The following USP44 variants were observed in gnomAD, a reference collection of about 807,000 sequenced individuals.
The protein encoded by USP44 is ubiquitin carboxyl-terminal hydrolase 44.
A neutral mutation model predicts 69.0 loss-of-function variants in USP44; 61 were observed. The ratio of observed to expected loss-of-function variants is 0.88; its 90% CI spans 0.72 to 1.09. The LOEUF is 1.09. USP44 is among the 50% of genes least tolerant of loss of function. The pLI, the probability that USP44 is intolerant of heterozygous loss-of-function variation, is 0.00. For synonymous variants in USP44, 297 were observed against 295.4 expected, an observed-to-expected ratio of 1.01 and a Z score of -0.06; for missense variants, 753 against 849.9, an observed-to-expected ratio of 0.89 and a Z score of 1.42.
At chr12:95,522,575 C>G (rs937422628) in intron 4 of USP44, among the ~76,000 whole-genome samples, 9 of 151,884 alleles carry the variant, frequency 5.9e-5, no homozygotes, top group African/African-American at 9.7e-5. Context: ...GTCAGGAGTT[C>G]AAGACCAGCC....
At chr12:95,550,444 C>T (rs563753278) in intron 1 of USP44, among the ~76,000 whole-genome samples, 27 of 152,274 alleles carry the variant, frequency 1.8e-4, no homozygotes, top group African/African-American at 6.5e-4. Flanking sequence ...CCCCAGTGCA[C>T]TTCTCCCACT....
intron 3 of USP44, among the ~76,000 whole-genome samples, chr12:95,526,465 G>A (rs921007433): frequency 2.0e-5 from 3 of 152,050 alleles, no homozygotes; most frequent in African/African-American, 7.2e-5. Context: ...CCAGCTACTC[G>A]GGAGGCTGAG....
At chr12:95,527,836 CTTT>C (rs760231106) in intron 3 of USP44, among the ~76,000 whole-genome samples, 2 of 54,854 alleles carry the variant, frequency 3.6e-5, no homozygotes. Context: ...GAGGAAGATG[CTTT>C]TTTTTTTTTT....
Position 95,535,713 on chromosome 12 carries a change from G to A in USP44, c.-70-1387C>T, listed in dbSNP as rs188432309. ...GAACAGAAATCTTATTTAAAAAGCC[G>A]TGATCACAAACACTTTTTTCATTGA... On this transcript the variant is annotated intron_variant, in intron 1 of 5. Coordinates refer to ENST00000258499, the MANE Select transcript of USP44 (RefSeq NM_032147.5). 5.5e-4 allele frequency among the ~76,000 whole-genome samples: 84 copies of A among 152,242 alleles called. 2 individuals are homozygous for A. The South Asian group carries it at 9.5e-3, about 17-fold the overall frequency.
intron 3 of USP44, among the ~76,000 whole-genome samples, chr12:95,528,090 C>T (rs913140569): frequency 3.9e-5 from 6 of 152,284 alleles, no homozygotes; most frequent in African/African-American, 9.6e-5. Flanking sequence ...CTGCCCACCT[C>T]GGCCTCCCAA....
At position 95,533,860 on chromosome 12, in the gene USP44, G is replaced by T; in HGVS notation, c.397C>A (p.His133Asn). ...MGTGDDSYFL[H>N]DGAQSLLQSE... ...TGAAGCAGAGATTGGGCACCGTCAT[G>T]TAAGAAATAAGAATCATCACCTGTA... Residue 133 changes from histidine to asparagine, a missense_variant, in exon 2 of 6, where the codon CAT becomes AAT. Physicochemically the swap from His to Asn is moderately conservative, Grantham distance 68. Transcript: ENST00000258499. 1 of 1,614,152 alleles carries T rather than the reference G, an allele frequency of 6.2e-7. No individual in the cohort carries two copies. The highest frequency in any genetic ancestry group is 1.1e-5 in the South Asian group (1 of 91,074).
chr12:95,546,311 T>C (rs2077569561), intron 1 of USP44: 1 of 152,174 alleles, frequency 6.6e-6, no homozygotes, highest in Non-Finnish European at 1.5e-5. Context: ...CTAGCAAGTA[T>C]ATCGTTAGAC....
In USP44 at chr12:95,536,463, G is replaced by A. The variant is rs2077208225; in HGVS notation, c.-70-2137C>T. Among the ~76,000 whole-genome samples the A allele has an allele frequency of 3.3e-5, 5 of 152,228 alleles. No homozygotes were observed. The South Asian group carries it at 1.0e-3, about 32-fold the overall frequency. ...GAACACCTAGGATTTGACAATAGTT[G>A]CTAATGGCAGAATTGAGACATCAGT... On this transcript the variant is annotated intron_variant, in intron 1 of 5. Coordinates refer to ENST00000258499, the MANE Select transcript of USP44 (RefSeq NM_032147.5).
intron 1 of USP44, among the ~76,000 whole-genome samples, chr12:95,536,233 T>C (rs1389229946): frequency 6.6e-6 from 1 of 151,830 alleles, no homozygotes; most frequent in Non-Finnish European, 1.5e-5. Context: ...GGTACAGACA[T>C]AGTTTCACCA....
chr12:95,546,296 C>G (rs2077568796), intron 1 of USP44, among the ~76,000 whole-genome samples: 4 of 152,206 alleles, frequency 2.6e-5, no homozygotes. Flanking sequence ...CATCTATGAT[C>G]TGATCTAGCA....
chr12:95,535,720 CA>C (rs1404189642), intron 1 of USP44, among the ~76,000 whole-genome samples: 2 of 152,160 alleles, frequency 1.3e-5, no homozygotes, highest in Admixed American at 6.5e-5. Flanking sequence ...GCCGTGATCA[CA>C]AACACTTTTT....
intron 2 of USP44, among the ~76,000 whole-genome samples, chr12:95,532,490 G>A (rs988324676): frequency 6.6e-6 from 1 of 151,894 alleles, no homozygotes; most frequent in African/African-American, 2.4e-5. Flanking sequence ...TTCATCCCGA[G>A]AATAGCAGCA....
rs755753432 is a variant in USP44 at position 95,516,593 on chromosome 12, T to TAAG, written c.*1558_*1560dup. ...ACCATGTAAATTTTTAATGAGGTAT[T>TAAG]AAGAAGTGTGTAACAGTTGAGGTAA... On this transcript the variant is annotated 3_prime_UTR_variant, in exon 6 of 6. Coordinates refer to ENST00000258499, the MANE Select transcript of USP44 (RefSeq NM_032147.5). 1.3e-5 allele frequency: 2 copies of TAAG among 152,130 alleles called. No individual in the cohort carries two copies. The highest frequency in any genetic ancestry group is 6.5e-5 in the Admixed American group (1 of 15,276). 9.4% of individuals were successfully genotyped at this position (152,130 alleles called of 1,614,324 possible). A position where few individuals can be genotyped will look rare whatever the true frequency, so the allele number is the denominator to read the frequency against.
In USP44 at chr12:95,548,252, G is replaced by C. The variant is rs761419444; in HGVS notation, c.-71+3020C>G. The C allele has an allele frequency of 1.3e-5, 2 of 151,988 alleles. No homozygotes were observed. The highest frequency in any genetic ancestry group is 2.4e-5 in the African/African-American group (1 of 41,358). The allele number at this position is 151,988 out of a possible 1,614,324, so 9.4% of individuals were successfully genotyped here. A position where few individuals can be genotyped will look rare whatever the true frequency, so the allele number is the denominator to read the frequency against. On this transcript the variant is annotated intron_variant, in intron 1 of 5. Coordinates refer to ENST00000258499, the MANE Select transcript of USP44 (RefSeq NM_032147.5). This position sits in a 1 kb window ranked among gnomAD's most constrained non-coding sequence, Gnocchi z 4.1. The stretch of plus-strand genomic sequence containing the variant: ...CCCTCCCGAAGTGCCCCGGGGCTTC[G>C]AGCATCACCTCGCGGTAATCCGGGA...
rs1269185737 is a variant in USP44, at chr12:95,533,474, T to A, written c.783A>T (p.Ser261=). The change falls in exon 2 of 6, where the codon TCA becomes TCT. Residue 261 remains serine, a synonymous_variant. Coordinates refer to ENST00000258499, the MANE Select transcript of USP44 (RefSeq NM_032147.5). ...GAGTTACTATTGGCCTTCGTTTAAC[T>A]GAGGAGTCACTGACTTTTTGAGATA... ...NEISQKVSDS[S]VKRRPIVTPG... is the part of the protein sequence containing the mutation. The A allele has an allele frequency of 6.2e-7, 1 of 1,614,220 alleles. No homozygotes were observed. The highest frequency in any genetic ancestry group is 1.7e-5 in the Admixed American group (1 of 60,028).
chr12:95,533,706 A>G lies in USP44; in HGVS notation c.551T>C (p.Ile184Thr), dbSNP rs769696357. 11 of 1,613,386 alleles carry G rather than the reference A, an allele frequency of 6.8e-6. No individual in the cohort carries two copies. The highest frequency in any genetic ancestry group is 1.3e-5 in the African/African-American group (1 of 74,818). ...KKQEEPFQEKIVVKREVKKRR... is the reference protein window; with the variant it reads ...KKQEEPFQEKTVVKREVKKRR... ...TTTCTTTACTTCTCTTTTTACTACT[A>G]TTTTTTCCTGAAATGGTTCTTCTTG... The change falls in exon 2 of 6, where the codon ATA becomes ACA. Residue 184 changes from isoleucine to threonine, a missense_variant. By Grantham distance (89) the Ile-to-Thr change is moderately conservative. Transcript: ENST00000258499.
intron 1 of USP44, among the ~76,000 whole-genome samples, chr12:95,550,639 T>G (rs1477266695): frequency 2.6e-5 from 4 of 152,208 alleles, no homozygotes; most frequent in Non-Finnish European, 4.4e-5. Context: ...ATCAAAACTC[T>G]TGCTTTCCTA....
chr12:95,520,168 G>A (rs1158169013), intron 5 of USP44, among the ~76,000 whole-genome samples: 3 of 151,478 alleles, frequency 2.0e-5, no homozygotes, highest in Non-Finnish European at 4.4e-5. Flanking sequence ...GGGAGTTGGA[G>A]TTTCATTCTT....
intron 2 of USP44, among the ~76,000 whole-genome samples, chr12:95,529,988 A>G (rs1007767391): frequency 6.6e-6 from 1 of 152,248 alleles, no homozygotes; most frequent in Non-Finnish European, 1.5e-5. Context: ...TACATAGGCA[A>G]TGTAGCAACC....
Sources: gnomAD v4.1 joint callset for allele counts (sites outside exome capture counted in the v4.1 genomes callset) on GRCh38, gnomAD v4.1.1 for gene constraint, Gnocchi (gnomAD v3.1) non-coding constraint, MANE v1.5 for transcripts, NCBI Gene and HGNC (gene_info 2026-07-23, HGNC 2026-07-21) for gene names.